Variants in UBE2R2 observed in about 807,000 individuals in gnomAD.
UBE2R2 encodes the protein ubiquitin-conjugating enzyme E2 R2.
Under a neutral mutation model 27.8 loss-of-function variants are expected in UBE2R2, and 1 was observed. The observed-to-expected ratio is 0.04, with a 90% CI of 0.01 to 0.17. The LOEUF (loss-of-function observed/expected upper bound fraction) is 0.17. Among genes scored for constraint, UBE2R2 ranks in the 10% least tolerant of loss-of-function variants. The pLI is 1.00. For synonymous variants in UBE2R2, 106 were observed against 113.3 expected, an observed-to-expected ratio of 0.94 and a Z score of 0.41; for missense variants, 100 against 291.0, an observed-to-expected ratio of 0.34 and a Z score of 4.78.
At chr9:33,830,393 G>A (rs1161949286) in intron 1 of UBE2R2, among the ~76,000 whole-genome samples, 7 of 149,006 alleles carry the variant, frequency 4.7e-5, no homozygotes, top group African/African-American at 1.7e-4. Flanking sequence ...CTGACCTCAT[G>A]TGATCTGCCC....
chr9:33,832,871 T>C (rs1820525809), intron 1 of UBE2R2, among the ~76,000 whole-genome samples: 1 of 152,130 alleles, frequency 6.6e-6, no homozygotes, highest in African/African-American at 2.4e-5. Context: ...GATAAATGTA[T>C]AGTCACATTC....
chr9:33,872,932 T>C (rs939038417), intron 1 of UBE2R2, among the ~76,000 whole-genome samples: 3 of 152,018 alleles, frequency 2.0e-5, no homozygotes, highest in South Asian at 2.1e-4. Context: ...CCCAGCACTT[T>C]AGGAGGCTGA....
intron 1 of UBE2R2, among the ~76,000 whole-genome samples, chr9:33,833,833 C>A (rs1336465905): frequency 1.3e-5 from 2 of 152,108 alleles, no homozygotes; most frequent in African/African-American, 4.8e-5. Flanking sequence ...AATCTCAATT[C>A]TCCTTTCTGT....
At chr9:33,916,926 G>C in intron 4 of UBE2R2, 92 bp from the exon 5 acceptor site, 2 of 1,518,916 alleles carry the variant, frequency 1.3e-6, no homozygotes, top group Non-Finnish European at 1.8e-6. Flanking sequence ...GGAGAGCTGA[G>C]TCATAAGTAA....
chr9:33,878,217 G>A (rs927123056), intron 1 of UBE2R2, among the ~76,000 whole-genome samples: 3 of 152,252 alleles, frequency 2.0e-5, no homozygotes, highest in South Asian at 2.1e-4. Flanking sequence ...TGAGCAATAC[G>A]CAGCGGCTCA....
intron 2 of UBE2R2, among the ~76,000 whole-genome samples, chr9:33,891,230 C>T (rs543527913): frequency 5.3e-5 from 8 of 151,690 alleles, no homozygotes; most frequent in East Asian, 2.0e-4. Context: ...TTAGTAGAGA[C>T]GCCGTTTTAC....
At chr9:33,901,314 AT>A (rs1218567949) in intron 3 of UBE2R2, among the ~76,000 whole-genome samples, 1 of 152,126 alleles carries the variant, frequency 6.6e-6, no homozygotes, top group African/African-American at 2.4e-5. Context: ...TATCTGAAGT[AT>A]TTACTATCAG....
At chr9:33,889,732 G>A (rs1023395064) in intron 2 of UBE2R2, among the ~76,000 whole-genome samples, 8 of 152,218 alleles carry the variant, frequency 5.3e-5, no homozygotes, top group African/African-American at 1.9e-4. Flanking sequence ...CTGTCACCCA[G>A]GCTGGAGTGT....
chr9:33,883,206 A>G (rs1008107979), intron 1 of UBE2R2, among the ~76,000 whole-genome samples: 2 of 152,170 alleles, frequency 1.3e-5, no homozygotes, highest in African/African-American at 2.4e-5. Context: ...ATTTACACCT[A>G]TGTTTTCTTT....
chr9:33,834,925 CA>C (rs1820583460), intron 1 of UBE2R2, among the ~76,000 whole-genome samples: 1 of 92,296 alleles, frequency 1.1e-5, no homozygotes, highest in African/African-American at 5.7e-5. Context: ...AAAAAAAAAA[CA>C]AAAGAAAAGA....
chr9:33,905,461 A>G (rs1822333953), intron 3 of UBE2R2, among the ~76,000 whole-genome samples: 1 of 152,134 alleles, frequency 6.6e-6, no homozygotes, highest in African/African-American at 2.4e-5. Context: ...ATGGGGTCCC[A>G]CTGCCCTCAA....
chr9:33,839,642 T>G (rs535457900), intron 1 of UBE2R2, among the ~76,000 whole-genome samples: 1 of 152,296 alleles, frequency 6.6e-6, no homozygotes, highest in African/African-American at 2.4e-5. Context: ...GGGCCCTTAC[T>G]AGACTCCAGA....
At chr9:33,825,244 C>CT (rs71506138) in intron 1 of UBE2R2, among the ~76,000 whole-genome samples, 31,380 of 119,182 alleles carry the variant, frequency 0.26, 4,870 homozygotes, top group South Asian at 0.42. Context: ...AAAAGCAAAG[C>CT]TTTTTTTTTT....
At chr9:33,891,425 C>G (rs973132359) in intron 2 of UBE2R2, among the ~76,000 whole-genome samples, 4 of 151,916 alleles carry the variant, frequency 2.6e-5, no homozygotes, top group Non-Finnish European at 5.9e-5. Flanking sequence ...GTAGGCGGAC[C>G]ACTTGAGGCC....
chr9:33,832,954 A>G (rs1820527306), intron 1 of UBE2R2, among the ~76,000 whole-genome samples: 2 of 152,174 alleles, frequency 1.3e-5, no homozygotes, highest in Admixed American at 1.3e-4. Context: ...GAAGAAAATG[A>G]AGTTACTCTT....
intron 2 of UBE2R2, among the ~76,000 whole-genome samples, chr9:33,895,836 G>T (rs866770132): frequency 7.7e-6 from 1 of 130,378 alleles, no homozygotes; most frequent in African/African-American, 3.0e-5. Flanking sequence ...GCAGTGGCTC[G>T]TACTCAGCTC....
intron 1 of UBE2R2, among the ~76,000 whole-genome samples, chr9:33,838,711 C>G (rs1325729240): frequency 6.6e-6 from 1 of 152,094 alleles, no homozygotes; most frequent in Non-Finnish European, 1.5e-5. Context: ...AGCTCTTTAC[C>G]TCCTTCTTGT....
chr9:33,873,824 G>C (rs1399341651), intron 1 of UBE2R2, among the ~76,000 whole-genome samples: 2 of 152,100 alleles, frequency 1.3e-5, no homozygotes, highest in African/African-American at 4.8e-5. Context: ...TACGGTGTGT[G>C]TGGAGACGGG....
chr9:33,868,502 T>C (rs981955426), intron 1 of UBE2R2: 1 of 152,202 alleles, frequency 6.6e-6, no homozygotes, highest in Non-Finnish European at 1.5e-5. Context: ...TGGCAGACTT[T>C]TGACACTTTG....
Sources: allele counts gnomAD v4.1 joint callset (sites outside exome capture counted in the v4.1 genomes callset), GRCh38; gene constraint gnomAD v4.1.1; transcripts MANE v1.5; gene names NCBI Gene and HGNC (gene_info 2026-07-23, HGNC 2026-07-21).